Variants in ZFR observed in about 807,000 individuals in gnomAD.
ZFR encodes zinc finger RNA binding protein, also known as zinc finger RNA-binding protein.
ZFR carries 19 observed loss-of-function variants against 130.7 expected under a neutral mutation model. The observed-to-expected ratio is 0.15, with a 90% CI of 0.10 to 0.21. ZFR has a LOEUF of 0.21. Ranked by LOEUF, ZFR falls within the 10% of genes least tolerant of loss-of-function variation. The pLI is 1.00. For missense variants in ZFR, 872 were observed against 1,321.5 expected, an observed-to-expected ratio of 0.66 and a Z score of 5.27; for synonymous variants, 466 against 456.9, an observed-to-expected ratio of 1.02 and a Z score of -0.25.
In ZFR at chr5:32,444,737, A is replaced by C; in HGVS notation, c.-79T>G. 1 of 1,479,780 alleles carries C rather than the reference A, an allele frequency of 6.8e-7. No individual in the cohort carries two copies. The highest frequency in any genetic ancestry group is 1.3e-5 in the South Asian group (1 of 75,746). The allele number at this position is 1,479,780 out of a possible 1,614,324, so 91.7% of individuals were successfully genotyped here. ...CTGCCCCGCTCCTCCTCAGCGGAGA[A>C]CAGACCGCCGCCTCCGACCGCACTG... On this transcript the variant is annotated 5_prime_UTR_variant, in exon 1 of 20. Transcript: ENST00000265069.
At chr5:32,421,993 A>T (rs1753968718) in intron 2 of ZFR, among the ~76,000 whole-genome samples, 1 of 152,190 alleles carries the variant, frequency 6.6e-6, no homozygotes, top group South Asian at 2.1e-4. Context: ...CAAATACAAC[A>T]GGTCTGTGAA....
chr5:32,414,693 T>C (rs925294582), intron 5 of ZFR, among the ~76,000 whole-genome samples: 1 of 152,118 alleles, frequency 6.6e-6, no homozygotes, highest in Admixed American at 6.5e-5. Flanking sequence ...GAAAACTCGG[T>C]GTTACTTCCT....
chr5:32,372,391 G>A (rs996985507), intron 17 of ZFR, among the ~76,000 whole-genome samples: 7 of 152,074 alleles, frequency 4.6e-5, no homozygotes, highest in African/African-American at 1.7e-4. Context: ...TATGTGTGAG[G>A]GCAGGGGATA....
intron 11 of ZFR, chr5:32,394,466 A>C (rs1351168337): frequency 1.2e-5 from 2 of 167,268 alleles, no homozygotes; most frequent in East Asian, 3.8e-4. Context: ...TTTTGCATTA[A>C]CCTAATATGA....
intron 12 of ZFR, among the ~76,000 whole-genome samples, chr5:32,389,682 C>T (rs1424839224): frequency 3.9e-5 from 6 of 152,024 alleles, no homozygotes; most frequent in Non-Finnish European, 7.4e-5. Context: ...GTAAGGAAAA[C>T]CAAAGGCAAG....
intron 5 of ZFR, among the ~76,000 whole-genome samples, chr5:32,411,727 A>G (rs1753718166): frequency 6.9e-6 from 1 of 145,574 alleles, no homozygotes; most frequent in Non-Finnish European, 1.5e-5. Context: ...CGGGGAATAG[A>G]AAATATAATA....
At position 32,388,385 on chromosome 5, in the gene ZFR, C is replaced by T. The variant is rs1215982732; in HGVS notation, c.2348+84G>A. On this transcript the variant is annotated intron_variant, in intron 13 of 19. Transcript: ENST00000265069. ...ACACATAGAACTCACACCAGAGTTA[C>T]CAGTCATAAGCTATATTTCAAATGT... The T allele has an allele frequency of 2.6e-5, 33 of 1,270,406 alleles. 2 individuals are homozygous for T. The South Asian group carries it at 2.8e-4, about 11-fold the overall frequency. The allele number at this position is 1,270,406 out of a possible 1,614,324, so 78.7% of individuals were successfully genotyped here. A position where few individuals can be genotyped will look rare whatever the true frequency, so the allele number is the denominator to read the frequency against.
At chr5:32,391,888 C>T (rs1753187372) in intron 11 of ZFR, among the ~76,000 whole-genome samples, 1 of 152,022 alleles carries the variant, frequency 6.6e-6, no homozygotes, top group Non-Finnish European at 1.5e-5. Context: ...TGTGCACCAC[C>T]ACGCCCAGCT....
chr5:32,397,849 CTTTTTTTTTTTTTTT>C (rs70961626), intron 9 of ZFR, among the ~76,000 whole-genome samples: 13 of 66,868 alleles, frequency 1.9e-4, no homozygotes, highest in South Asian at 7.0e-4. Flanking sequence ...GCTCTTGTAT[CTTTTTTTTTTTTTTT>C]TTTTTTTTTT....
At chr5:32,382,671 A>G (rs1431514790) in intron 15 of ZFR, among the ~76,000 whole-genome samples, 1 of 151,988 alleles carries the variant, frequency 6.6e-6, no homozygotes, top group Non-Finnish European at 1.5e-5. Context: ...GTGCAATGGC[A>G]TGATCTCGGC....
intron 4 of ZFR, 90 bp from the exon 5 acceptor site, chr5:32,415,277 ACAAACAT>A: frequency 8.8e-7 from 1 of 1,142,642 alleles, no homozygotes; most frequent in Non-Finnish European, 1.3e-6. Context: ...AAGAATAGGT[ACAAACAT>A]CATTAACTAT....
chr5:32,363,624 A>T (rs1176212748), intron 19 of ZFR, among the ~76,000 whole-genome samples: 1 of 152,218 alleles, frequency 6.6e-6, no homozygotes. Flanking sequence ...TTGTACAACC[A>T]GAGGACATAA....
chr5:32,426,866 C>T (rs1249830839), intron 2 of ZFR, among the ~76,000 whole-genome samples: 2 of 147,844 alleles, frequency 1.4e-5, no homozygotes, highest in Non-Finnish European at 3.0e-5. Context: ...GATTGTGCCA[C>T]GGCACTCCAG....
At chr5:32,375,588 T>C (rs1172005882) in intron 17 of ZFR, among the ~76,000 whole-genome samples, 2 of 151,350 alleles carry the variant, frequency 1.3e-5, no homozygotes, top group African/African-American at 2.4e-5. Context: ...TGGCTCACTG[T>C]AGACTTGACC....
chr5:32,388,855 T>C (rs1031721227), intron 12 of ZFR, among the ~76,000 whole-genome samples, 181 bp from the exon 13 acceptor site: 6 of 152,154 alleles, frequency 3.9e-5, no homozygotes, highest in Admixed American at 1.3e-4. Flanking sequence ...ACTATATGTA[T>C]GTATGCATGC....
chr5:32,441,281 G>A (rs1428254642), intron 2 of ZFR, among the ~76,000 whole-genome samples: 1 of 152,110 alleles, frequency 6.6e-6, no homozygotes, highest in African/African-American at 2.4e-5. Context: ...CTGGCCTCTG[G>A]AATTACATTT....
chr5:32,433,480 C>G (rs932298596), intron 2 of ZFR, among the ~76,000 whole-genome samples: 1 of 152,148 alleles, frequency 6.6e-6, no homozygotes, highest in African/African-American at 2.4e-5. Flanking sequence ...TGAAATATAT[C>G]TCTAACAAGT....
intron 19 of ZFR, among the ~76,000 whole-genome samples, chr5:32,358,421 G>A (rs539406604): frequency 7.1e-4 from 108 of 152,242 alleles, no homozygotes; most frequent in Non-Finnish European, 7.4e-4. Flanking sequence ...AGCACTTTGG[G>A]AGGCCTAGAC....
chr5:32,372,357 T>C (rs1303718796), intron 17 of ZFR, among the ~76,000 whole-genome samples: 1 of 152,156 alleles, frequency 6.6e-6, no homozygotes, highest in Admixed American at 6.6e-5. Flanking sequence ...ACAAACATAC[T>C]ACTCTAGTGT....
Sources: gnomAD v4.1 joint callset for allele counts (sites outside exome capture counted in the v4.1 genomes callset) on GRCh38, gnomAD v4.1.1 for gene constraint, MANE v1.5 for transcripts, NCBI Gene and HGNC (gene_info 2026-07-23, HGNC 2026-07-21) for gene names.